The following CC2D2B variants were observed in gnomAD, a reference collection of about 807,000 sequenced individuals.
CC2D2B encodes protein CC2D2B.
A neutral mutation model predicts 161.2 loss-of-function variants in CC2D2B; 128 were observed. The observed-to-expected ratio is 0.79, with a 90% CI of 0.69 to 0.92. CC2D2B has a LOEUF of 0.92. CC2D2B is among the 40% of genes least tolerant of loss of function. The pLI is 0.00. For synonymous variants in CC2D2B, 391 were observed against 449.8 expected (o/e 0.87, Z 1.65); for missense variants, 1,173 against 1,375.1 (o/e 0.85, Z 2.32).
Position 96,004,296 on chromosome 10 carries a change from C to A in CC2D2B, c.2946+48C>A. On this transcript the variant is annotated intron_variant, in intron 25 of 34. Coordinates refer to ENST00000646931, the MANE Select transcript of CC2D2B (RefSeq NM_001349008.3). ...GCCAATGCTGAAATAATTCTAAGGT[C>A]AAACTGAATGAAGTCTACTAACATG... 3.1e-6 allele frequency: 3 copies of A among 982,180 alleles called. No homozygotes were observed. The South Asian group carries it at 4.8e-5, about 16-fold the overall frequency. 60.8% of individuals were successfully genotyped at this position (982,180 alleles called of 1,614,324 possible). A position where few individuals can be genotyped will look rare whatever the true frequency, so the allele number is the denominator to read the frequency against.
intron 24 of CC2D2B, among the ~76,000 whole-genome samples, chr10:95,997,523 G>C (rs1174526106): frequency 8.7e-4 from 132 of 152,034 alleles, no homozygotes; most frequent in Non-Finnish European, 8.8e-5. Context: ...AAGTAGCCGA[G>C]ACTACAGGAG....
chr10:95,914,484 A>G (rs1334612455), intron 2 of CC2D2B, among the ~76,000 whole-genome samples: 1 of 152,142 alleles, frequency 6.6e-6, no homozygotes, highest in Non-Finnish European at 1.5e-5. Flanking sequence ...CCCATCCAAA[A>G]TCTCATCTGG....
At chr10:96,025,191 AAAT>A (rs1490477833) in intron 33 of CC2D2B, among the ~76,000 whole-genome samples, 1,198 of 50,664 alleles carry the variant, frequency 0.024, 32 homozygotes, top group Non-Finnish European at 0.037. Flanking sequence ...ATATAAAAAA[AAAT>A]ATATATATAT....
chr10:95,941,959 T>C (rs540473624), intron 9 of CC2D2B, among the ~76,000 whole-genome samples: 141 of 152,246 alleles, frequency 9.3e-4, no homozygotes, highest in Non-Finnish European at 1.7e-3. Flanking sequence ...TCATTGACAG[T>C]TGAATAAAGA....
chr10:95,947,115 T>TATATATA (rs1564609188), intron 9 of CC2D2B, among the ~76,000 whole-genome samples: 59 of 26,124 alleles, frequency 2.3e-3, no homozygotes, highest in Middle Eastern at 0.077. Flanking sequence ...ATATATATAT[T>TATATATA]TTTTTTTTTT....
At chr10:96,029,957 C>G (rs2079997089) in intron 34 of CC2D2B, among the ~76,000 whole-genome samples, 1 of 151,946 alleles carries the variant, frequency 6.6e-6, no homozygotes, top group East Asian at 1.9e-4. Flanking sequence ...GCTACAGGTA[C>G]TTGCCACCAT....
Position 95,924,340 on chromosome 10 carries a change from G to C in CC2D2B, c.124G>C (p.Val42Leu). ...TTTAGATGCAGAAGAAAATCAAAAT[G>C]TAGCAAAGACATTGAGAGGCAAAGT... The part of the protein sequence containing the change: ...KDLDAEENQN[V>L]AKTLRGKVRE... The change falls in exon 4 of 35, where the codon GTA becomes CTA. Residue 42 changes from valine (V) to leucine (L), a missense_variant. Physicochemically the swap from Val to Leu is conservative, Grantham distance 32 (BLOSUM62 1). Transcript: ENST00000646931. 6.6e-7 allele frequency: 1 copy of C among 1,519,410 alleles called. No homozygotes were observed. The highest frequency in any genetic ancestry group is 8.8e-7 in the Non-Finnish European group (1 of 1,131,540). 94.1% of individuals were successfully genotyped at this position (1,519,410 alleles called of 1,614,324 possible).
intron 25 of CC2D2B, among the ~76,000 whole-genome samples, chr10:96,007,091 CAG>C (rs1173229958): frequency 6.6e-6 from 1 of 152,028 alleles, no homozygotes; most frequent in East Asian, 1.9e-4. Context: ...ACTTGTGTCA[CAG>C]GGGTTTGTTG....
rs1038403250 is a variant in CC2D2B, at chr10:95,927,140, A to C, written c.241-97A>C. ...CCTTGGTGCTCCCTGTTTGCTAGAG[A>C]GATAACAATTATGTTTACCATATTA... is the stretch of plus-strand genomic sequence containing the variant. On this transcript the variant is annotated intron_variant, in intron 5 of 34. Coordinates refer to ENST00000646931, the MANE Select transcript of CC2D2B (RefSeq NM_001349008.3). 6.3e-6 allele frequency: 4 copies of C among 636,696 alleles called. No individual in the cohort carries two copies. In the Admixed American group the frequency reaches 9.1e-5, roughly 14 times the overall value. 39.4% of individuals were successfully genotyped at this position (636,696 alleles called of 1,614,324 possible).
chr10:96,003,586 T>TGTGTG (rs2078613284), intron 24 of CC2D2B, among the ~76,000 whole-genome samples: 1 of 127,654 alleles, frequency 7.8e-6, no homozygotes, highest in Non-Finnish European at 1.6e-5. Context: ...GCCCGGCTAA[T>TGTGTG]TGTGTGTGTG....
chr10:95,921,472 C>T (rs952888119), intron 2 of CC2D2B: 1 of 152,204 alleles, frequency 6.6e-6, no homozygotes, highest in Admixed American at 6.5e-5. Flanking sequence ...AAACCAGGCA[C>T]TATGATTGCT....
Position 95,992,677 on chromosome 10 carries a change from C to G in CC2D2B, c.2622C>G (p.Thr874=). The change falls in exon 22 of 35, where the codon ACC becomes ACG. Residue 874 remains threonine, a synonymous_variant. Coordinates refer to ENST00000646931, the MANE Select transcript of CC2D2B (RefSeq NM_001349008.3). Reference sequence around the variant, plus strand: ...TAGTGAGGGCCTATAATATTCCTACCAGAAAAACAACAATTAATGGGTAAG... The same window carrying G: ...TAGTGAGGGCCTATAATATTCCTACGAGAAAAACAACAATTAATGGGTAAG... ...VRIVRAYNIP[T]RKTTINGSLD... The G allele has an allele frequency of 8.1e-7, 1 of 1,234,104 alleles. No individual in the cohort carries two copies. Among genetic ancestry groups the G allele is most frequent in the Non-Finnish European group, 1.0e-6 (1 of 988,026 alleles). 76.4% of individuals were successfully genotyped at this position (1,234,104 alleles called of 1,614,324 possible). A position where few individuals can be genotyped will look rare whatever the true frequency, so the allele number is the denominator to read the frequency against.
intron 30 of CC2D2B, 97 bp from the exon 31 acceptor site, chr10:96,019,106 T>C (rs2079339586): frequency 9.2e-7 from 1 of 1,084,680 alleles, no homozygotes; most frequent in Admixed American, 2.8e-5. Flanking sequence ...CACACTCCAC[T>C]AAAAAAGGCT....
Position 95,961,545 on chromosome 10 carries a change from G to A in CC2D2B, c.1110-284G>A, listed in dbSNP as rs546289381. 25 of 198,050 alleles carry A rather than the reference G, an allele frequency of 1.3e-4. No homozygotes were observed. In the East Asian group the frequency reaches 2.1e-3, roughly 17 times the overall value. 12.3% of individuals were successfully genotyped at this position (198,050 alleles called of 1,614,324 possible). ...CTCTCAAAAAAGAAAAAAAAATCTC[G>A]TAGAATTCTAGCTAGGCTATTTCCT... On this transcript the variant is annotated intron_variant, in intron 11 of 34. Transcript: ENST00000646931.
At position 95,949,950 on chromosome 10, in the gene CC2D2B, G is replaced by A. The variant is rs2076345854; in HGVS notation, c.856G>A (p.Glu286Lys). Reference sequence around the variant, plus strand: ...TATGAACAAAATGGAAGGTTCAAGGGAAATATACCAGTTAGACCTCAACAT... The same window carrying A: ...TATGAACAAAATGGAAGGTTCAAGGAAAATATACCAGTTAGACCTCAACAT... Reference protein sequence around the residue: ...SFMNKMEGSREIYQLDLNIVG... With the variant: ...SFMNKMEGSRKIYQLDLNIVG... The change falls in exon 10 of 35, where the codon GAA becomes AAA. Residue 286 changes from glutamate to lysine, a missense_variant. By Grantham distance (56) the Glu-to-Lys change is moderately conservative. Around this residue, in one of 3 missense-constraint regions of CC2D2B, gnomAD observed 298 missense variants for 261.2 expected, o/e 1.14. Coordinates refer to ENST00000646931, the MANE Select transcript of CC2D2B (RefSeq NM_001349008.3). The A allele has an allele frequency of 2.5e-6, 1 of 398,584 alleles. No homozygotes were observed. The highest frequency in any genetic ancestry group is 4.4e-5 in the Admixed American group (1 of 22,700). The allele number at this position is 398,584 out of a possible 1,614,324, so 24.7% of individuals were successfully genotyped here.
intron 11 of CC2D2B, among the ~76,000 whole-genome samples, chr10:95,956,666 T>C (rs1215701523): frequency 6.6e-6 from 1 of 152,112 alleles, no homozygotes; most frequent in Non-Finnish European, 1.5e-5. Context: ...TGTCCCTCAG[T>C]ATCTGCAAGG....
intron 6 of CC2D2B, among the ~76,000 whole-genome samples, chr10:95,930,854 G>A (rs1164023117): frequency 2.0e-5 from 3 of 151,982 alleles, no homozygotes; most frequent in Non-Finnish European, 4.4e-5. Context: ...TTCTTTTTTT[G>A]TTGTGTCCCT....
chr10:96,009,975 G>A (rs1247717769), intron 26 of CC2D2B, 52 bp downstream of exon 26: 2 of 1,129,198 alleles, frequency 1.8e-6, no homozygotes, highest in Admixed American at 1.8e-5. Context: ...CTGGCTCATA[G>A]AAAAACTTTC....
At chr10:96,016,720 T>G (rs1008159798) in intron 30 of CC2D2B, among the ~76,000 whole-genome samples, 8 of 152,106 alleles carry the variant, frequency 5.3e-5, no homozygotes, top group African/African-American at 1.9e-4. Context: ...ATGGTTTTTG[T>G]TTTTATTTTT....
Sources: allele counts gnomAD v4.1 joint callset (sites outside exome capture counted in the v4.1 genomes callset), GRCh38; gene constraint gnomAD v4.1.1; regional missense constraint gnomAD v4.1.1; transcripts MANE v1.5; gene names NCBI Gene and HGNC (gene_info 2026-07-23, HGNC 2026-07-21).